Variants in MMP26 observed in about 807,000 individuals in gnomAD.
MMP26 encodes matrix metalloproteinase-26.
A neutral mutation model predicts 31.0 loss-of-function variants in MMP26; 33 were observed. The ratio of observed to expected loss-of-function variants is 1.06; its 90% CI spans 0.81 to 1.42. The LOEUF is 1.42. Among genes scored for constraint, MMP26 ranks in the 40% most tolerant of loss-of-function variants. The probability of loss-of-function intolerance (pLI) is 0.00; values close to 1 mark genes in which losing one functional copy is unlikely to be tolerated. For synonymous variants in MMP26, 122 were observed against 114.9 expected (o/e 1.06, Z -0.40); for missense variants, 347 against 316.1 (o/e 1.10, Z -0.74).
At chr11:4,954,788 C>T (rs1846412178) in intron 2 of MMP26, 1 of 1,053,306 alleles carries the variant, frequency 9.5e-7, no homozygotes, top group African/African-American at 1.6e-5. Flanking sequence ...CTTCCATTGA[C>T]ACAATTTTGC....
intron 1 of MMP26, chr11:4,723,032 T>C: frequency 9.7e-7 from 1 of 1,035,218 alleles, no homozygotes; most frequent in Non-Finnish European, 1.5e-6. Context: ...GATCTCGATA[T>C]CCAGGGCCAG....
At chr11:4,964,813 A>G (rs139932169) in intron 2 of MMP26, among the ~76,000 whole-genome samples, 125 of 152,322 alleles carry the variant, frequency 8.2e-4, no homozygotes, top group African/African-American at 3.0e-3. Context: ...AAATTACCAC[A>G]GGAACAGAAA....
chr11:4,874,607 C>A (rs1353287889), intron 2 of MMP26, among the ~76,000 whole-genome samples: 1 of 147,512 alleles, frequency 6.8e-6, no homozygotes, highest in African/African-American at 2.5e-5. Flanking sequence ...ACTGGGAGAC[C>A]CTTTCTGAGA....
At chr11:4,866,839 T>C (rs897639783) in intron 2 of MMP26, among the ~76,000 whole-genome samples, 1 of 152,096 alleles carries the variant, frequency 6.6e-6, no homozygotes, top group Admixed American at 6.6e-5. Context: ...GGGGAAATGA[T>C]TCCCTATTTA....
chr11:4,891,443 C>T (rs1053099584), intron 2 of MMP26, among the ~76,000 whole-genome samples: 1 of 152,088 alleles, frequency 6.6e-6, no homozygotes, highest in Admixed American at 6.6e-5. Flanking sequence ...GGATCTGTCC[C>T]CATGACCTAA....
intron 2 of MMP26, among the ~76,000 whole-genome samples, chr11:4,789,701 C>T (rs1278162650): frequency 2.6e-5 from 4 of 151,428 alleles, no homozygotes; most frequent in Non-Finnish European, 5.9e-5. Flanking sequence ...CCACCACACC[C>T]AGCTAATTTT....
At chr11:4,941,588 T>C (rs1846206271) in intron 2 of MMP26, among the ~76,000 whole-genome samples, 1 of 152,202 alleles carries the variant, frequency 6.6e-6, no homozygotes, top group South Asian at 2.1e-4. Flanking sequence ...TAAATCACTA[T>C]ATTTTCAATA....
intron 2 of MMP26, among the ~76,000 whole-genome samples, chr11:4,978,437 A>G (rs927829966): frequency 6.6e-6 from 1 of 152,076 alleles, no homozygotes; most frequent in African/African-American, 2.4e-5. Context: ...ACATGATGCC[A>G]TCTCTAATAG....
At chr11:4,892,243 G>A (rs2133549983) in intron 2 of MMP26, among the ~76,000 whole-genome samples, 1 of 152,128 alleles carries the variant, frequency 6.6e-6, no homozygotes, top group Non-Finnish European at 1.5e-5. Flanking sequence ...TCATAATCTG[G>A]ATATCAGCCA....
intron 2 of MMP26, chr11:4,876,340 G>T (rs1021115945): frequency 6.6e-6 from 1 of 152,054 alleles, no homozygotes; most frequent in Non-Finnish European, 1.5e-5. Flanking sequence ...CTTTCTCCTA[G>T]ATATTTTAAA....
At chr11:4,801,071 T>C (rs1849174618) in intron 2 of MMP26, among the ~76,000 whole-genome samples, 1 of 152,242 alleles carries the variant, frequency 6.6e-6, no homozygotes, top group African/African-American at 2.4e-5. Flanking sequence ...CAAGTTCATA[T>C]GAACTTCACT....
chr11:4,725,361 C>T (rs544733101), intron 1 of MMP26, among the ~76,000 whole-genome samples: 11 of 152,094 alleles, frequency 7.2e-5, no homozygotes, highest in South Asian at 2.1e-4. Context: ...AATAGAGGAA[C>T]GCATATATAA....
chr11:4,905,237 T>A (rs1049184438), intron 2 of MMP26, among the ~76,000 whole-genome samples: 1 of 152,130 alleles, frequency 6.6e-6, no homozygotes, highest in Non-Finnish European at 1.5e-5. Context: ...CACATTATAC[T>A]TACCCTGGGT....
chr11:4,946,978 A>G, intron 2 of MMP26: 1 of 1,600,374 alleles, frequency 6.2e-7, no homozygotes, highest in Non-Finnish European at 8.5e-7. Flanking sequence ...CATTTCCTAG[A>G]ATAGCAATAA....
At chr11:4,822,118 T>A (rs540214556) in intron 2 of MMP26, 1 of 1,612,866 alleles carries the variant, frequency 6.2e-7, no homozygotes, top group Admixed American at 1.7e-5. Flanking sequence ...CATTGCTTCC[T>A]CAGAAGAGAG....
At chr11:4,870,833 T>C (rs778450423) in intron 2 of MMP26, among the ~76,000 whole-genome samples, 1 of 152,120 alleles carries the variant, frequency 6.6e-6, no homozygotes, top group African/African-American at 2.4e-5. Context: ...GATCTGGAGA[T>C]CAAGGCAGTA....
rs78989660 is a variant in MMP26 at position 4,930,510 on chromosome 11, C to T, written c.-144-57558C>T. Reference sequence around the variant, plus strand: ...CCATTTGGGCTGGCAGAAAATTTACCATCTCCGAATCATGGTCTAATGGCT... The same window carrying T: ...CCATTTGGGCTGGCAGAAAATTTACTATCTCCGAATCATGGTCTAATGGCT... On this transcript the variant is annotated intron_variant, in intron 2 of 7. Transcript: ENST00000380390. 9.2e-5 allele frequency among the ~76,000 whole-genome samples: 14 copies of T among 152,200 alleles called. No homozygotes were observed. The East Asian group carries it at 2.7e-3, about 29-fold the overall frequency.
At chr11:4,901,248 C>T (rs918275676) in intron 2 of MMP26, among the ~76,000 whole-genome samples, 1 of 149,622 alleles carries the variant, frequency 6.7e-6, no homozygotes, top group Non-Finnish European at 1.5e-5. Context: ...AAGCTCTGCC[C>T]CCCGGGGTTC....
At chr11:4,860,451 T>C (rs1850135989) in intron 2 of MMP26, 1 of 470,316 alleles carries the variant, frequency 2.1e-6, no homozygotes, top group Non-Finnish European at 4.4e-6. Flanking sequence ...GGAGTGTGAG[T>C]GTGTAGAGAA....
Sources: gnomAD v4.1 joint callset for allele counts (sites outside exome capture counted in the v4.1 genomes callset) on GRCh38, gnomAD v4.1.1 for gene constraint, MANE v1.5 for transcripts, NCBI Gene and HGNC (gene_info 2026-07-23, HGNC 2026-07-21) for gene names.